Variants in EDA observed in about 807,000 individuals in gnomAD.
EDA encodes ectodysplasin-A.
Under a neutral mutation model 23.6 loss-of-function variants are expected in EDA, and 2 were observed. That is an observed-to-expected ratio of 0.08 (90% CI 0.03 to 0.27). The LOEUF is 0.27. Ranked by LOEUF, EDA falls within the 10% of genes least tolerant of loss-of-function variation. The pLI is 1.00. For missense variants in EDA, 229 were observed against 324.2 expected (o/e 0.71, Z 2.26); for synonymous variants, 131 against 132.0 (o/e 0.99, Z 0.05).
intron 1 of EDA, chrX:69,937,702 C>T (rs2018695320): frequency 1.1e-5 from 13 of 1,152,786 alleles, no homozygotes; most frequent in Non-Finnish European, 2.4e-6. Flanking sequence ...GCATACATGT[C>T]CTCTGTCAAA....
At chrX:69,697,803 G>A (rs1456507160) in intron 1 of EDA, among the ~76,000 whole-genome samples, 1 of 111,833 alleles carries the variant, frequency 8.9e-6, no homozygotes, top group East Asian at 2.8e-4. Context: ...CTGGTACATG[G>A]GCTACTTTTC....
At chrX:69,796,264 G>A (rs770313230) in intron 1 of EDA, among the ~76,000 whole-genome samples, 2 of 106,949 alleles carry the variant, frequency 1.9e-5, no homozygotes, top group Admixed American at 2.0e-4. Context: ...TAAGTCATCT[G>A]GAGACCCAAG....
chrX:70,034,561 A>G (rs1281788919), intron 7 of EDA, among the ~76,000 whole-genome samples: 2 of 111,388 alleles, frequency 1.8e-5, no homozygotes, highest in Non-Finnish European at 3.8e-5. Flanking sequence ...GGTGTGAGGT[A>G]TGATGGATAA....
chrX:69,969,220 A>G, intron 2 of EDA, among the ~76,000 whole-genome samples: 2 of 112,326 alleles, frequency 1.8e-5, no homozygotes, highest in Middle Eastern at 9.3e-3. Context: ...TCAGCAACTC[A>G]TTATCTTACA....
chrX:70,003,726 C>G (rs73226465), intron 2 of EDA, among the ~76,000 whole-genome samples: 2 of 111,461 alleles, frequency 1.8e-5, no homozygotes, highest in African/African-American at 6.5e-5. Context: ...TTGGGAAATG[C>G]TGCATTTCAT....
chrX:69,905,586 G>C (rs2018165560), intron 1 of EDA, among the ~76,000 whole-genome samples: 1 of 111,173 alleles, frequency 9.0e-6, no homozygotes, highest in South Asian at 3.8e-4. Context: ...TTTTCTTCTT[G>C]GCATCCCTTC....
chrX:69,866,666 A>C (rs1475259660), intron 1 of EDA, among the ~76,000 whole-genome samples: 1 of 111,465 alleles, frequency 9.0e-6, no homozygotes. Flanking sequence ...ACACGGCCTT[A>C]TGGAGAACTT....
chrX:69,811,839 G>A (rs1208532458), intron 1 of EDA, among the ~76,000 whole-genome samples: 5 of 111,819 alleles, frequency 4.5e-5, no homozygotes, highest in African/African-American at 1.3e-4. Flanking sequence ...AGGTGGTGGG[G>A]CCAAGGTGAG....
chrX:69,624,034 T>C (rs778936549), intron 1 of EDA, among the ~76,000 whole-genome samples: 2 of 111,420 alleles, frequency 1.8e-5, no homozygotes, highest in South Asian at 7.5e-4. Flanking sequence ...TCACCTCTTA[T>C]ACCAAAATAA....
chrX:69,941,388 T>C (rs1404262563), intron 1 of EDA, among the ~76,000 whole-genome samples: 1 of 111,667 alleles, frequency 9.0e-6, no homozygotes, highest in Non-Finnish European at 1.9e-5. Flanking sequence ...CATCTATTAT[T>C]GTGTTGGGGT....
At chrX:70,020,545 C>T (rs1431512918) in intron 2 of EDA, among the ~76,000 whole-genome samples, 5 of 96,716 alleles carry the variant, frequency 5.2e-5, no homozygotes, top group Middle Eastern at 5.6e-3. Flanking sequence ...CGCGACAGAG[C>T]GAGACTCCGT....
chrX:69,795,050 G>T (rs763267813), intron 1 of EDA, among the ~76,000 whole-genome samples: 1 of 111,431 alleles, frequency 9.0e-6, no homozygotes, highest in Admixed American at 9.5e-5. Flanking sequence ...TAGAGTTGGG[G>T]TCTTGCTCCG....
intron 1 of EDA, among the ~76,000 whole-genome samples, chrX:69,941,903 G>T (rs1040621796): frequency 3.6e-5 from 4 of 110,785 alleles, no homozygotes; most frequent in Admixed American, 2.9e-4. Context: ...TTCTCTGATG[G>T]TATGATTTAA....
chrX:69,806,976 G>C (rs755073589), intron 1 of EDA, among the ~76,000 whole-genome samples: 3 of 111,173 alleles, frequency 2.7e-5, no homozygotes, highest in Non-Finnish European at 5.7e-5. Flanking sequence ...GTTAAGTTTA[G>C]CTTACTTTGG....
chrX:70,014,344 C>T (rs779879341), intron 2 of EDA, among the ~76,000 whole-genome samples: 7 of 112,901 alleles, frequency 6.2e-5, no homozygotes, highest in Middle Eastern at 4.6e-3. Flanking sequence ...GCGTACCCCC[C>T]GATAAAATCA....
chrX:69,809,540 G>A (rs2015894764), intron 1 of EDA, among the ~76,000 whole-genome samples: 2 of 111,663 alleles, frequency 1.8e-5, no homozygotes, highest in African/African-American at 6.5e-5. Context: ...GGATATTTTA[G>A]GTCAATGAGC....
chrX:69,860,612 G>A (rs2017361471), intron 1 of EDA, among the ~76,000 whole-genome samples: 1 of 111,151 alleles, frequency 9.0e-6, no homozygotes. Context: ...CTGATGATGG[G>A]CTTCCCTGTG....
chrX:70,027,695 C>T (rs1004566758), intron 3 of EDA, among the ~76,000 whole-genome samples, 162 bp from the exon 4 acceptor site: 4 of 110,715 alleles, frequency 3.6e-5, no homozygotes, highest in African/African-American at 1.3e-4. Context: ...CGGTGGCACG[C>T]GCCTGTAATC....
At chrX:69,679,099 G>A (rs1489395990) in intron 1 of EDA, among the ~76,000 whole-genome samples, 2 of 107,812 alleles carry the variant, frequency 1.9e-5, no homozygotes, top group Non-Finnish European at 3.8e-5. Flanking sequence ...TTTGTCTTTG[G>A]TTCTGTTTAT....
Sources: gnomAD v4.1 joint callset for allele counts (sites outside exome capture counted in the v4.1 genomes callset) on GRCh38, gnomAD v4.1.1 for gene constraint, MANE v1.5 for transcripts, NCBI Gene and HGNC (gene_info 2026-07-23, HGNC 2026-07-21) for gene names.